The following TENM3 variants were observed in gnomAD, a reference collection of about 807,000 sequenced individuals.
TENM3 encodes teneurin-3.
TENM3 carries 63 observed loss-of-function variants against 255.1 expected under a neutral mutation model. That is an observed-to-expected ratio of 0.25 (90% confidence interval 0.20 to 0.30). TENM3 has a LOEUF of 0.30. TENM3 is among the 10% of genes least tolerant of loss of function. The probability of loss-of-function intolerance (pLI) is 1.00; values close to 1 mark genes in which losing one functional copy is unlikely to be tolerated. For synonymous variants in TENM3, 1,306 were observed against 1,322.3 expected, an observed-to-expected ratio of 0.99 and a Z score of 0.27; for missense variants, 2,929 against 3,461.1, an observed-to-expected ratio of 0.85 and a Z score of 3.86.
At chr4:182,052,703 C>A in the TENM3 span, among the ~76,000 whole-genome samples, 1 of 152,116 alleles carries the variant, frequency 6.6e-6, no homozygotes, top group Non-Finnish European at 1.5e-5. Flanking sequence ...GCGAGTCAGT[C>A]ATCACAGGAT....
chr4:182,712,688 G>A (rs1256972162), intron 12 of TENM3, among the ~76,000 whole-genome samples: 1 of 152,130 alleles, frequency 6.6e-6, no homozygotes. Flanking sequence ...CCACAGTGGA[G>A]GAGGGGACAC....
the TENM3 span, among the ~76,000 whole-genome samples, chr4:182,094,702 T>G: frequency 1.8e-3 from 269 of 152,108 alleles, 1 homozygote; most frequent in Admixed American, 6.7e-3. Context: ...GAAAGATGTG[T>G]CCTCGAAAAA....
intron 13 of TENM3, among the ~76,000 whole-genome samples, chr4:182,719,487 C>CT (rs1310400354): frequency 6.6e-6 from 1 of 151,868 alleles, no homozygotes; most frequent in Non-Finnish European, 1.5e-5. Context: ...TCTCGAACTC[C>CT]TGACCTTGTG....
chr4:181,508,434 A>T, the TENM3 span, among the ~76,000 whole-genome samples: 1 of 152,242 alleles, frequency 6.6e-6, no homozygotes, highest in South Asian at 2.1e-4. Flanking sequence ...TCAGCAGCTG[A>T]CATTATTGAA....
In TENM3 at chr4:182,620,964, G is replaced by A. The variant is rs865834441; in HGVS notation, c.750-7687G>A. ...GGAGGCCAAGGCGGGTGGATCCCCT[G>A]AGGTCAGGAGATCGAGACCATCCTG... On this transcript the variant is annotated intron_variant, in intron 4 of 27. Coordinates refer to ENST00000511685, the MANE Select transcript of TENM3 (RefSeq NM_001080477.4). 1.6e-4 allele frequency among the ~76,000 whole-genome samples: 25 copies of A among 152,074 alleles called. 1 individual carries two copies. The South Asian group carries it at 1.7e-3, about 10-fold the overall frequency.
chr4:181,582,292 G>A, the TENM3 span, among the ~76,000 whole-genome samples: 38 of 151,908 alleles, frequency 2.5e-4, no homozygotes, highest in African/African-American at 8.9e-4. Flanking sequence ...AAAAGGAGCA[G>A]GGAGAGAAAA....
chr4:181,892,432 T>C, the TENM3 span, among the ~76,000 whole-genome samples: 1 of 152,306 alleles, frequency 6.6e-6, no homozygotes, highest in African/African-American at 2.4e-5. Flanking sequence ...GGCTATACAA[T>C]AGAGTAATTT....
the TENM3 span, among the ~76,000 whole-genome samples, chr4:181,743,637 G>A: frequency 9.2e-5 from 14 of 152,212 alleles, no homozygotes; most frequent in African/African-American, 3.4e-4. Context: ...ATAGGCAGGA[G>A]TGTGGGCACC....
the TENM3 span, among the ~76,000 whole-genome samples, chr4:182,084,106 C>T: frequency 6.6e-6 from 1 of 151,882 alleles, no homozygotes; most frequent in Non-Finnish European, 1.5e-5. Flanking sequence ...AATTATTTGC[C>T]GTGATACTTG....
chr4:181,912,033 C>T, the TENM3 span, among the ~76,000 whole-genome samples: 4 of 152,124 alleles, frequency 2.6e-5, no homozygotes, highest in African/African-American at 4.8e-5. Flanking sequence ...GATCATACGC[C>T]GGGGATACTG....
chr4:182,301,116 T>C (rs1761826538), intron 1 of TENM3, among the ~76,000 whole-genome samples: 1 of 152,216 alleles, frequency 6.6e-6, no homozygotes, highest in African/African-American at 2.4e-5. Context: ...TAAAAAGGTA[T>C]ATACATGTTT....
chr4:181,823,874 C>T, the TENM3 span, among the ~76,000 whole-genome samples: 5 of 152,036 alleles, frequency 3.3e-5, no homozygotes, highest in Non-Finnish European at 7.4e-5. Flanking sequence ...CATTGGATTG[C>T]TTTGGCTCAC....
At chr4:181,953,600 G>A in the TENM3 span, among the ~76,000 whole-genome samples, 1 of 151,938 alleles carries the variant, frequency 6.6e-6, no homozygotes, top group Non-Finnish European at 1.5e-5. Context: ...AGAATTGCTT[G>A]AACCCAGGAG....
At chr4:182,092,830 AG>A in the TENM3 span, among the ~76,000 whole-genome samples, 1 of 151,682 alleles carries the variant, frequency 6.6e-6, no homozygotes, top group East Asian at 1.9e-4. Flanking sequence ...AGGTTAAGGT[AG>A]AAATCCTCTT....
At chr4:181,481,149 CTTTT>C in the TENM3 span, among the ~76,000 whole-genome samples, 1 of 151,326 alleles carries the variant, frequency 6.6e-6, no homozygotes, top group Non-Finnish European at 1.5e-5. Context: ...AAAAAACTCT[CTTTT>C]CTTTTTTTTT....
At chr4:182,441,092 G>T (rs1772444617) in intron 3 of TENM3, among the ~76,000 whole-genome samples, 1 of 152,104 alleles carries the variant, frequency 6.6e-6, no homozygotes, top group Admixed American at 6.5e-5. Context: ...TCTGTGTGTG[G>T]TGTAATTTAG....
intron 3 of TENM3, among the ~76,000 whole-genome samples, chr4:182,455,895 C>T (rs974371542): frequency 2.4e-4 from 36 of 152,182 alleles, no homozygotes; most frequent in African/African-American, 7.9e-4. Context: ...CTCCTCCTCT[C>T]GGGCTTCCTT....
the TENM3 span, among the ~76,000 whole-genome samples, chr4:181,569,054 C>T: frequency 6.6e-6 from 1 of 152,138 alleles, no homozygotes; most frequent in Non-Finnish European, 1.5e-5. Flanking sequence ...AAGGTTTTTG[C>T]CAGTGCAGTG....
In TENM3 at chr4:182,489,817, CCCTCCCTCCCTTCCTTTCTT is replaced by C. The variant is rs1057485222; in HGVS notation, c.512-111097_512-111078del. ...CTCTCCTCCTCTCGCCCTGTTCCTT[CCCTCCCTCCCTTCCTTTCTT>C]CCTCCCTCCTTCCTTTTCTTCCCTT... On this transcript the variant is annotated intron_variant, in intron 3 of 27. Coordinates refer to ENST00000511685, the MANE Select transcript of TENM3 (RefSeq NM_001080477.4). Among the ~76,000 whole-genome samples the C allele has an allele frequency of 1.3e-3, 188 of 144,286 alleles. 1 individual carries two copies. The highest frequency in any genetic ancestry group is 4.7e-3 in the African/African-American group (182 of 38,514). The allele number at this position is 144,286 out of a possible 152,430, so 94.7% of individuals were successfully genotyped here.
Sources: gnomAD v4.1 joint callset for allele counts (sites outside exome capture counted in the v4.1 genomes callset) on GRCh38, gnomAD v4.1.1 for gene constraint, MANE v1.5 for transcripts, NCBI Gene and HGNC (gene_info 2026-07-23, HGNC 2026-07-21) for gene names.